The following SUSD4 variants were observed in gnomAD, a reference collection of about 807,000 sequenced individuals.
The protein encoded by SUSD4 is sushi domain containing 4.
In SUSD4, 41 loss-of-function variants were observed where a neutral mutation model predicts 50.5. That is an observed-to-expected ratio of 0.81 (90% CI 0.63 to 1.05). The LOEUF is 1.05. Among genes scored for constraint, SUSD4 ranks in the 50% least tolerant of loss-of-function variants. SUSD4 has a pLI of 0.00. For missense variants in SUSD4, 580 were observed against 634.7 expected, an observed-to-expected ratio of 0.91 and a Z score of 0.93; for synonymous variants, 257 against 257.3, an observed-to-expected ratio of 1.00 and a Z score of 0.01.
intron 5 of SUSD4, among the ~76,000 whole-genome samples, chr1:223,238,469 A>G (rs575778253): frequency 3.5e-4 from 54 of 152,136 alleles, no homozygotes; most frequent in African/African-American, 1.3e-3. Context: ...CTTTTCTAAC[A>G]GATGCACTCA....
chr1:223,344,737 T>C (rs1667938204), intron 2 of SUSD4, among the ~76,000 whole-genome samples: 1 of 152,196 alleles, frequency 6.6e-6, no homozygotes, highest in Admixed American at 6.5e-5. Context: ...CATTTCCCAC[T>C]GGGGACTGAG....
chr1:223,256,467 C>T (rs1208721531), intron 5 of SUSD4, among the ~76,000 whole-genome samples: 2 of 152,158 alleles, frequency 1.3e-5, no homozygotes, highest in Admixed American at 6.5e-5. Flanking sequence ...CCAAGATGAC[C>T]CTCACCACAC....
In SUSD4 at chr1:223,233,386, A is replaced by C. The variant is rs190100208; in HGVS notation, c.725-3998T>G. On this transcript the variant is annotated intron_variant, in intron 5 of 8. Transcript: ENST00000366878. ...CAACAACAAAAGTATTATTAATTAT[A>C]AACTTAGGGAGGCTTATTTAAAAAT... is the stretch of plus-strand genomic sequence containing the variant. 4.2e-3 allele frequency among the ~76,000 whole-genome samples: 640 copies of C among 152,272 alleles called. 2 individuals are homozygous for C. The highest frequency in any genetic ancestry group is 0.015 in the African/African-American group (610 of 41,540).
chr1:223,273,758 C>T (rs1222250203), intron 3 of SUSD4, among the ~76,000 whole-genome samples: 1 of 152,164 alleles, frequency 6.6e-6, no homozygotes, highest in Non-Finnish European at 1.5e-5. Context: ...GTCAACACTT[C>T]GTGTATATTG....
At chr1:223,356,539 G>A (rs1668678327) in intron 2 of SUSD4, among the ~76,000 whole-genome samples, 1 of 151,922 alleles carries the variant, frequency 6.6e-6, no homozygotes, top group African/African-American at 2.4e-5. Context: ...CCCTCCCAAA[G>A]TGCTGGGATT....
chr1:223,312,566 C>A (rs187686886), intron 2 of SUSD4, among the ~76,000 whole-genome samples: 2 of 152,142 alleles, frequency 1.3e-5, no homozygotes, highest in Non-Finnish European at 2.9e-5. Flanking sequence ...TTACCCTGTC[C>A]ATCTCTCAGA....
chr1:223,277,803 C>T (rs2103106173), intron 3 of SUSD4, among the ~76,000 whole-genome samples: 1 of 152,286 alleles, frequency 6.6e-6, no homozygotes, highest in Admixed American at 6.5e-5. Flanking sequence ...AAAATGACAA[C>T]ACTGACATTT....
chr1:223,252,270 G>A (rs965449517), intron 5 of SUSD4, among the ~76,000 whole-genome samples: 34 of 144,762 alleles, frequency 2.3e-4, no homozygotes, highest in East Asian at 4.1e-4. Flanking sequence ...AAGAAGAGGC[G>A]AGACACACAG....
At chr1:223,344,775 G>T (rs528750782) in intron 2 of SUSD4, among the ~76,000 whole-genome samples, 20 of 152,250 alleles carry the variant, frequency 1.3e-4, no homozygotes, top group Non-Finnish European at 2.5e-4. Context: ...CAAGCAGGCC[G>T]CCCTAACATG....
At chr1:223,304,797 T>C (rs1483947376) in intron 2 of SUSD4, among the ~76,000 whole-genome samples, 1 of 404 alleles carries the variant, frequency 2.5e-3, no homozygotes, top group African/African-American at 8.8e-3. Context: ...GGTTTCCATA[T>C]ATATATATAT....
chr1:223,307,655 A>T (rs1665624558), intron 2 of SUSD4, among the ~76,000 whole-genome samples: 1 of 152,136 alleles, frequency 6.6e-6, no homozygotes, highest in Admixed American at 6.5e-5. Flanking sequence ...ACTATGTGAA[A>T]CAGAAGATAC....
chr1:223,289,760 G>A lies in SUSD4; in HGVS notation c.361+2679C>T, dbSNP rs551148964. On this transcript the variant is annotated intron_variant, in intron 3 of 8. Coordinates refer to ENST00000366878, the MANE Select transcript of SUSD4 (RefSeq NM_017982.4). The stretch of plus-strand genomic sequence containing the variant: ...AAATCGGAATGAGGGCTTGAATTAC[G>A]TGATTTCTCTGAGTTCCTTCAACTC... Among the ~76,000 whole-genome samples the A allele has an allele frequency of 7.9e-5, 12 of 152,322 alleles. No homozygotes were observed. In the South Asian group the frequency reaches 2.3e-3, roughly 29 times the overall value.
intron 2 of SUSD4, among the ~76,000 whole-genome samples, chr1:223,304,331 C>A (rs1226470768): frequency 6.6e-6 from 1 of 152,152 alleles, no homozygotes; most frequent in East Asian, 1.9e-4. Context: ...TTACACAATC[C>A]TGCATGCAAT....
At chr1:223,242,762 C>T (rs1378408948) in intron 5 of SUSD4, among the ~76,000 whole-genome samples, 1 of 152,210 alleles carries the variant, frequency 6.6e-6, no homozygotes, top group Non-Finnish European at 1.5e-5. Context: ...GAGCTAAGGG[C>T]CTGGGCCAGT....
chr1:223,264,673 G>A lies in SUSD4; in HGVS notation c.681C>T (p.Asn227=). Reference sequence around the variant, plus strand: ...GGGGTGGGCTGGACGACCAGATAAGGTTTTGTAAGCACTCAAGATACGCAG... The same window carrying A: ...GGGGTGGGCTGGACGACCAGATAAGATTTTGTAAGCACTCAAGATACGCAG... The part of the protein sequence containing the change: ...DGSAYLECLQ[N]LIWSSSPPRC... The change falls in exon 5 of 9, where the codon AAC becomes AAT. Residue 227 remains asparagine, a synonymous_variant. Transcript: ENST00000366878. 1 of 1,614,176 alleles carries A rather than the reference G, an allele frequency of 6.2e-7. No homozygotes were observed. The highest frequency in any genetic ancestry group is 8.5e-7 in the Non-Finnish European group (1 of 1,180,040).
chr1:223,275,305 CAG>C (rs1452720371), intron 3 of SUSD4, among the ~76,000 whole-genome samples: 7 of 152,298 alleles, frequency 4.6e-5, no homozygotes, highest in Non-Finnish European at 8.8e-5. Flanking sequence ...GGGTTTGATT[CAG>C]AGTTTTGTCC....
chr1:223,360,684 T>A (rs1668924689), intron 2 of SUSD4, among the ~76,000 whole-genome samples: 1 of 152,226 alleles, frequency 6.6e-6, no homozygotes, highest in Admixed American at 6.5e-5. Context: ...GCACATGCTT[T>A]TTTTTTCTCC....
chr1:223,245,286 C>T (rs78019517), intron 5 of SUSD4, among the ~76,000 whole-genome samples: 169 of 150,752 alleles, frequency 1.1e-3, no homozygotes, highest in African/African-American at 3.7e-3. Flanking sequence ...TGGTCTGCAA[C>T]GTATTAGAAA....
intron 2 of SUSD4, among the ~76,000 whole-genome samples, chr1:223,322,389 G>A (rs754909448): frequency 6.6e-6 from 1 of 152,198 alleles, no homozygotes; most frequent in African/African-American, 2.4e-5. Context: ...CTAAGAGTTC[G>A]TGTCCTATTT....
Sources: gnomAD v4.1 joint callset for allele counts (sites outside exome capture counted in the v4.1 genomes callset) on GRCh38, gnomAD v4.1.1 for gene constraint, MANE v1.5 for transcripts, NCBI Gene and HGNC (gene_info 2026-07-23, HGNC 2026-07-21) for gene names.